The following SIAH3 variants were observed in gnomAD, a reference collection of about 807,000 sequenced individuals.
SIAH3 encodes the protein seven in absentia homolog 3.
In SIAH3, 9 loss-of-function variants were observed where a neutral mutation model predicts 12.6. That is an observed-to-expected ratio of 0.72 (90% CI 0.43 to 1.25). The LOEUF is 1.25. Ranked by LOEUF, SIAH3 falls within the 50% of genes most tolerant of loss-of-function variation. The probability of loss-of-function intolerance (pLI) is 0.00; values close to 1 mark genes in which losing one functional copy is unlikely to be tolerated. For synonymous variants in SIAH3, 154 were observed against 151.1 expected (o/e 1.02, Z -0.14); for missense variants, 390 against 365.4 (o/e 1.07, Z -0.55).
chr13:45,798,490 G>A (rs917038511), intron 1 of SIAH3, among the ~76,000 whole-genome samples: 2 of 152,240 alleles, frequency 1.3e-5, no homozygotes, highest in African/African-American at 4.8e-5. Flanking sequence ...GGCAGGATTT[G>A]TAGGGGAACG....
chr13:45,823,416 A>G (rs1030875090), intron 1 of SIAH3, among the ~76,000 whole-genome samples: 6 of 152,216 alleles, frequency 3.9e-5, no homozygotes, highest in African/African-American at 1.2e-4. Context: ...TAGGCAAGGC[A>G]AGTCTGCCCT....
intron 1 of SIAH3, among the ~76,000 whole-genome samples, chr13:45,842,477 A>G (rs781442585): frequency 2.0e-5 from 3 of 152,002 alleles, no homozygotes; most frequent in Non-Finnish European, 4.4e-5. Context: ...TCCACCCTGA[A>G]TAGCTGACAC....
At chr13:45,821,031 C>G (rs1950653962) in intron 1 of SIAH3, among the ~76,000 whole-genome samples, 1 of 152,192 alleles carries the variant, frequency 6.6e-6, no homozygotes, top group African/African-American at 2.4e-5. Context: ...AATAGTCTCC[C>G]AAAAAGATGT....
intron 1 of SIAH3, 124 bp from the exon 2 acceptor site, chr13:45,784,181 T>A: frequency 1.1e-6 from 1 of 900,982 alleles, no homozygotes; most frequent in Non-Finnish European, 1.6e-6. Context: ...GTTCATTTCT[T>A]AAACAACAAA....
At chr13:45,823,861 G>A (rs982441224) in intron 1 of SIAH3, among the ~76,000 whole-genome samples, 2 of 152,172 alleles carry the variant, frequency 1.3e-5, no homozygotes, top group Non-Finnish European at 2.9e-5. Context: ...GTGTGACCTT[G>A]GGCAAATTAC....
intron 1 of SIAH3, among the ~76,000 whole-genome samples, chr13:45,826,461 A>AGTGGG (rs1950677206): frequency 1.6e-5 from 1 of 63,792 alleles, no homozygotes; most frequent in Non-Finnish European, 2.8e-5. Context: ...GGATGGATGA[A>AGTGGG]TGGATGGATG....
At chr13:45,812,118 C>T (rs924322666) in intron 1 of SIAH3, among the ~76,000 whole-genome samples, 1 of 152,184 alleles carries the variant, frequency 6.6e-6, no homozygotes, top group East Asian at 1.9e-4. Context: ...TGGAATGGAC[C>T]CAGGGAATTC....
intron 1 of SIAH3, among the ~76,000 whole-genome samples, chr13:45,827,226 C>T (rs1950681874): frequency 6.6e-6 from 1 of 152,128 alleles, no homozygotes; most frequent in African/African-American, 2.4e-5. Context: ...TAAAATGAAA[C>T]AGTGTCACCC....
chr13:45,817,834 A>C (rs1332512496), intron 1 of SIAH3, among the ~76,000 whole-genome samples: 1 of 152,202 alleles, frequency 6.6e-6, no homozygotes, highest in Non-Finnish European at 1.5e-5. Flanking sequence ...CATTCTAGAG[A>C]TGAAAATCTG....
intron 1 of SIAH3, among the ~76,000 whole-genome samples, chr13:45,830,454 C>T (rs1950694857): frequency 6.6e-6 from 1 of 152,216 alleles, no homozygotes; most frequent in East Asian, 1.9e-4. Context: ...TTCCTCAAGG[C>T]GTGGGGTAGG....
chr13:45,797,147 T>G (rs914022335), intron 1 of SIAH3, among the ~76,000 whole-genome samples: 1 of 32,226 alleles, frequency 3.1e-5, no homozygotes, highest in African/African-American at 2.7e-4. Flanking sequence ...TCTATGCAGG[T>G]TTTTTTTTTT....
Position 45,840,464 on chromosome 13 carries a change from G to C in SIAH3, c.135+11031C>G, listed in dbSNP as rs912710373. 3.6e-5 allele frequency among the ~76,000 whole-genome samples: 5 copies of C among 137,734 alleles called. No individual in the cohort carries two copies. The South Asian group carries it at 1.2e-3, about 33-fold the overall frequency. 90.4% of individuals were successfully genotyped at this position (137,734 alleles called of 152,430 possible). ...CTTAGTAAGTGCTCAATAAATGTTA[G>C]GTAGTTAAAAAATATACACATAGTC... On this transcript the variant is annotated intron_variant, in intron 1 of 1. Coordinates refer to ENST00000400405, the MANE Select transcript of SIAH3 (RefSeq NM_198849.3).
chr13:45,789,872 G>T (rs1219863487), intron 1 of SIAH3, among the ~76,000 whole-genome samples: 1 of 152,172 alleles, frequency 6.6e-6, no homozygotes, highest in Non-Finnish European at 1.5e-5. Flanking sequence ...GTCAGATGCT[G>T]CTAGTTAACA....
At chr13:45,795,531 A>G (rs1325654) in intron 1 of SIAH3, among the ~76,000 whole-genome samples, 15,889 of 152,274 alleles carry the variant, frequency 0.1, 1,001 homozygotes, top group South Asian at 0.16. Flanking sequence ...ATGGTCACAT[A>G]AAGAGTATAC....
intron 1 of SIAH3, 90 bp downstream of exon 1, chr13:45,851,405 G>A (rs1950781244): frequency 6.4e-7 from 1 of 1,563,568 alleles, no homozygotes; most frequent in South Asian, 1.2e-5. Context: ...GTTTGCAAAG[G>A]GCTGCACACG....
Position 45,781,588 on chromosome 13 carries a change from T to G in SIAH3, c.*1795A>C, listed in dbSNP as rs886776950. 18 of 152,268 alleles carry G rather than the reference T, an allele frequency of 1.2e-4. No individual in the cohort carries two copies. Among genetic ancestry groups the G allele is most frequent in the African/African-American group, 4.3e-4 (18 of 41,472 alleles). 9.4% of individuals were successfully genotyped at this position (152,268 alleles called of 1,614,324 possible). On this transcript the variant is annotated 3_prime_UTR_variant, in exon 2 of 2. Coordinates refer to ENST00000400405, the MANE Select transcript of SIAH3 (RefSeq NM_198849.3). Reference sequence around the variant, plus strand: ...TGCCTCCATCTGTGGCAATGTTTTTTGCCCCTCTCAGGGCTCTGACGGAAT... The same window carrying G: ...TGCCTCCATCTGTGGCAATGTTTTTGGCCCCTCTCAGGGCTCTGACGGAAT...
Position 45,783,650 on chromosome 13 carries a change from G to A in SIAH3, c.543C>T (p.Pro181=), listed in dbSNP as rs746790152. 9 of 1,613,996 alleles carry A rather than the reference G, an allele frequency of 5.6e-6. No individual in the cohort carries two copies. The highest frequency in any genetic ancestry group is 1.7e-5 in the Admixed American group (1 of 60,006). The part of the protein sequence containing the change: ...LRKQERHEGH[P]QFFATMMLIG... ...TCAGCATCATGGTGGCAAAGAACTG[G>A]GGGTGCCCTTCATGCCTCTCCTGTT... The change falls in exon 2 of 2, where the codon CCC becomes CCT. Residue 181 remains proline, a synonymous_variant. Coordinates refer to ENST00000400405, the MANE Select transcript of SIAH3 (RefSeq NM_198849.3).
intron 1 of SIAH3, among the ~76,000 whole-genome samples, chr13:45,794,588 G>A (rs1054443227): frequency 4.6e-5 from 7 of 152,204 alleles, no homozygotes; most frequent in South Asian, 2.1e-4. Context: ...TTTTGATAGC[G>A]AATAAGTCTT....
chr13:45,783,837 C>T lies in SIAH3; in HGVS notation c.356G>A (p.Arg119His), dbSNP rs376694319. ...CAGGTGGGGCACCACCACCTCCAGG[C>T]GGCCTTCCCACTGGCAGGAGAACAA... is the stretch of plus-strand genomic sequence containing the variant. ...CPLFSCQWEG[R>H]LEVVVPHLRQ... Residue 119 changes from arginine (R) to histidine (H), a missense_variant, in exon 2 of 2, where the codon CGC becomes CAC. Coordinates refer to ENST00000400405, the MANE Select transcript of SIAH3 (RefSeq NM_198849.3). 5 of 1,613,990 alleles carry T rather than the reference C, an allele frequency of 3.1e-6. No individual in the cohort carries two copies. The African/African-American group carries it at 5.3e-5, about 17-fold the overall frequency.
Sources: gnomAD v4.1 joint callset for allele counts (sites outside exome capture counted in the v4.1 genomes callset) on GRCh38, gnomAD v4.1.1 for gene constraint, MANE v1.5 for transcripts, NCBI Gene and HGNC (gene_info 2026-07-23, HGNC 2026-07-21) for gene names.